The following SCAF8 variants were observed in gnomAD, a reference collection of about 807,000 sequenced individuals.
The protein encoded by SCAF8 is SR-related CTD associated factor 8.
Under a neutral mutation model 140.5 loss-of-function variants are expected in SCAF8, and 23 were observed. The ratio of observed to expected loss-of-function variants is 0.16; its 90% CI spans 0.12 to 0.23. The LOEUF (loss-of-function observed/expected upper bound fraction) is 0.23, where lower values mean the gene tolerates loss of function less well. Ranked by LOEUF, SCAF8 falls within the 10% of genes least tolerant of loss-of-function variation. The pLI, the probability that SCAF8 is intolerant of heterozygous loss-of-function variation, is 1.00. For missense variants in SCAF8, 1,397 were observed against 1,555.7 expected, an observed-to-expected ratio of 0.90 and a Z score of 1.72; for synonymous variants, 575 against 528.9, an observed-to-expected ratio of 1.09 and a Z score of -1.20.
rs1206191260 is a variant in SCAF8, at chr6:154,735,909, C to T, written c.30+1979C>T. Among the ~76,000 whole-genome samples, 5 of 152,024 alleles carry T rather than the reference C, an allele frequency of 3.3e-5. No homozygotes were observed. The East Asian group carries it at 9.7e-4, about 29-fold the overall frequency. On this transcript the variant is annotated intron_variant, in intron 1 of 19. Coordinates refer to ENST00000367178, the MANE Select transcript of SCAF8 (RefSeq NM_014892.5). Reference sequence around the variant, plus strand: ...TGGTGTGATCTTGGCTCACTGCATCCTTTGCCTCCCGGGCCCAAGGGGTCC... The same window carrying T: ...TGGTGTGATCTTGGCTCACTGCATCTTTTGCCTCCCGGGCCCAAGGGGTCC...
intron 1 of SCAF8, among the ~76,000 whole-genome samples, chr6:154,763,686 T>G (rs1336676525): frequency 1.3e-5 from 2 of 151,830 alleles, no homozygotes; most frequent in Non-Finnish European, 2.9e-5. Flanking sequence ...ATTTAATGCA[T>G]AGAGGAGGGG....
intron 1 of SCAF8, among the ~76,000 whole-genome samples, chr6:154,737,476 T>C (rs909361839): frequency 6.6e-6 from 1 of 152,050 alleles, no homozygotes; most frequent in Non-Finnish European, 1.5e-5. Context: ...AGGAGTTCCA[T>C]GCTAGCCTGG....
rs538685736 is a variant in SCAF8 at position 154,777,903 on chromosome 6, T to C, written c.115-98T>C. 924 of 717,122 alleles carry C rather than the reference T, an allele frequency of 1.3e-3. 2 individuals carry two copies. The highest frequency in any genetic ancestry group is 2.0e-3 in the Non-Finnish European group (824 of 416,572). The allele number at this position is 717,122 out of a possible 1,614,324, so 44.4% of individuals were successfully genotyped here. ...AAATTCTTGGTTAAGATAATTGTTT[T>C]GATAGACCTTTGGAGCATGTAAAAC... On this transcript the variant is annotated intron_variant, in intron 2 of 19. Transcript: ENST00000367178.
intron 1 of SCAF8, among the ~76,000 whole-genome samples, chr6:154,753,978 T>C (rs990528651): frequency 5.9e-5 from 9 of 152,196 alleles, no homozygotes; most frequent in African/African-American, 1.9e-4. Flanking sequence ...GTTGGAATTA[T>C]AGGCGCGAGC....
chr6:154,810,821 G>A (rs762287292), intron 12 of SCAF8, among the ~76,000 whole-genome samples: 8 of 152,044 alleles, frequency 5.3e-5, no homozygotes, highest in Non-Finnish European at 8.8e-5. Flanking sequence ...TTCTTGGTGG[G>A]TTATGACTTT....
intron 1 of SCAF8, among the ~76,000 whole-genome samples, chr6:154,761,039 C>A (rs548524139): frequency 6.6e-6 from 1 of 152,128 alleles, no homozygotes; most frequent in Non-Finnish European, 1.5e-5. Context: ...TGGCCTCAAG[C>A]GATCCTCTCA....
Position 154,822,321 on chromosome 6 carries a change from A to G in SCAF8, c.1838A>G (p.Gln613Arg). The change falls in exon 16 of 20, where the codon CAG (glutamine) becomes CGG (arginine). Residue 613 changes from glutamine (Q) to arginine (R), a missense_variant. By Grantham distance (43) the Gln-to-Arg change is conservative. Transcript: ENST00000367178. ...KSSEPVKETV[Q>R]TTQSPTPVEK... is the part of the protein sequence containing the mutation. Reference sequence around the variant, plus strand: ...TCAGAACCTGTTAAAGAGACGGTCCAGACAACTCAGAGCCCAACTCCAGTT... The same window carrying G: ...TCAGAACCTGTTAAAGAGACGGTCCGGACAACTCAGAGCCCAACTCCAGTT... 1 of 1,613,688 alleles carries G rather than the reference A, an allele frequency of 6.2e-7. No homozygotes were observed.
At position 154,760,003 on chromosome 6, in the gene SCAF8, A is replaced by G. The variant is rs972388653; in HGVS notation, c.31-13986A>G. Among the ~76,000 whole-genome samples, 6 of 152,116 alleles carry G rather than the reference A, an allele frequency of 3.9e-5. No individual in the cohort carries two copies. The East Asian group carries it at 7.7e-4, about 20-fold the overall frequency. ...ATTTTATAAGCACTTTAAAAAATCA[A>G]ATTCTGGGCTGGGCATAGTAGCTCA... On this transcript the variant is annotated intron_variant, in intron 1 of 19. Transcript: ENST00000367178.
intron 1 of SCAF8, among the ~76,000 whole-genome samples, chr6:154,751,086 TTC>T (rs1778825577): frequency 6.6e-6 from 1 of 152,194 alleles, no homozygotes; most frequent in South Asian, 2.1e-4. Context: ...GGAGAATTGT[TTC>T]TGTTTTCTTT....
At chr6:154,803,476 A>G in intron 7 of SCAF8, 68 bp from the exon 8 acceptor site, 1 of 1,050,486 alleles carries the variant, frequency 9.5e-7, no homozygotes, top group East Asian at 2.4e-5. Context: ...GACATTTAAA[A>G]TAGCATTTGT....
intron 16 of SCAF8, among the ~76,000 whole-genome samples, chr6:154,822,653 T>C (rs377560831): frequency 1.4e-4 from 22 of 152,204 alleles, no homozygotes; most frequent in African/African-American, 4.3e-4. Flanking sequence ...TTCTGAAAAC[T>C]CAGAGGATTT....
intron 18 of SCAF8, among the ~76,000 whole-genome samples, chr6:154,830,019 C>T (rs1237665362): frequency 6.6e-6 from 1 of 152,222 alleles, no homozygotes; most frequent in Non-Finnish European, 1.5e-5. Context: ...TCTGAATTCA[C>T]TATTCACAGA....
At chr6:154,766,345 A>C (rs536435723) in intron 1 of SCAF8, among the ~76,000 whole-genome samples, 8 of 152,258 alleles carry the variant, frequency 5.3e-5, no homozygotes, top group African/African-American at 1.4e-4. Context: ...TCATTTCTCT[A>C]AAAATGTTTC....
At chr6:154,774,342 G>A (rs1257177612) in intron 2 of SCAF8, among the ~76,000 whole-genome samples, 1 of 152,108 alleles carries the variant, frequency 6.6e-6, no homozygotes, top group Non-Finnish European at 1.5e-5. Flanking sequence ...GCTCACTGTG[G>A]CCTCGACCTC....
In SCAF8 at chr6:154,834,213, GCCT is replaced by G. The variant is rs1778834343; in HGVS notation, c.*823_*825del. 6.6e-6 allele frequency: 1 copy of G among 152,160 alleles called. No homozygotes were observed. Among genetic ancestry groups the G allele is most frequent in the Non-Finnish European group, 1.5e-5 (1 of 68,020 alleles). The allele number at this position is 152,160 out of a possible 1,614,324, so 9.4% of individuals were successfully genotyped here. A position where few individuals can be genotyped will look rare whatever the true frequency, so the allele number is the denominator to read the frequency against. On this transcript the variant is annotated 3_prime_UTR_variant, in exon 20 of 20. Transcript: ENST00000367178. The stretch of plus-strand genomic sequence containing the variant: ...TGTACTTTGATATAAAAATCATGCA[GCCT>G]CCTCAGTATGTGTATAATATCTGTG...
intron 18 of SCAF8, among the ~76,000 whole-genome samples, chr6:154,827,938 A>G (rs1360518948): frequency 6.6e-6 from 1 of 151,756 alleles, no homozygotes; most frequent in African/African-American, 2.4e-5. Flanking sequence ...CCCACCCACC[A>G]CACTTGCACA....
chr6:154,765,500 C>G (rs781086391), intron 1 of SCAF8, among the ~76,000 whole-genome samples: 1 of 152,114 alleles, frequency 6.6e-6, no homozygotes, highest in African/African-American at 2.4e-5. Context: ...ATTTTTGTAT[C>G]CAACGAAACT....
chr6:154,777,952 T>A, intron 2 of SCAF8, 49 bp from the exon 3 acceptor site: 1 of 1,171,384 alleles, frequency 8.5e-7, no homozygotes, highest in Non-Finnish European at 1.3e-6. Context: ...GAAATTTCAA[T>A]CTCCTCAAAC....
intron 1 of SCAF8, among the ~76,000 whole-genome samples, chr6:154,764,973 A>G (rs558263224): frequency 4.1e-4 from 62 of 152,324 alleles, no homozygotes; most frequent in Middle Eastern, 3.4e-3. Flanking sequence ...CAATATTAAT[A>G]AATTATCCAT....
Sources: gnomAD v4.1 joint callset for allele counts (sites outside exome capture counted in the v4.1 genomes callset) on GRCh38, gnomAD v4.1.1 for gene constraint, MANE v1.5 for transcripts, NCBI Gene and HGNC (gene_info 2026-07-23, HGNC 2026-07-21) for gene names.